PXDNL: variants seen among roughly 807,000 people sequenced by gnomAD.
The protein encoded by PXDNL is peroxidasin like, also known as probable oxidoreductase PXDNL.
A neutral mutation model predicts 150.8 loss-of-function variants in PXDNL; 145 were observed. That is an observed-to-expected ratio of 0.96 (90% CI 0.84 to 1.10). PXDNL has a LOEUF of 1.10. Among genes scored for constraint, PXDNL ranks in the 50% least tolerant of loss-of-function variants. The pLI, the probability that PXDNL is intolerant of heterozygous loss-of-function variation, is 0.00. For synonymous variants in PXDNL, 757 were observed against 725.7 expected (o/e 1.04, Z -0.69); for missense variants, 2,087 against 1,873.9 (o/e 1.11, Z -2.10).
intron 1 of PXDNL, among the ~76,000 whole-genome samples, chr8:51,755,383 CT>C (rs1208139816): frequency 6.6e-6 from 1 of 151,888 alleles, no homozygotes; most frequent in Non-Finnish European, 1.5e-5. Context: ...CAATCCCCAC[CT>C]CCTGGGTTCA....
At chr8:51,704,339 T>C (rs1816319820) in intron 1 of PXDNL, among the ~76,000 whole-genome samples, 1 of 152,246 alleles carries the variant, frequency 6.6e-6, no homozygotes, top group Non-Finnish European at 1.5e-5. Context: ...TTTACTGCTG[T>C]ATAGTATTTC....
At position 51,732,880 on chromosome 8, in the gene PXDNL, G is replaced by A. The variant is rs958783549; in HGVS notation, c.164+76301C>T. 7.9e-5 allele frequency among the ~76,000 whole-genome samples: 12 copies of A among 152,294 alleles called. 1 individual carries two copies. Among genetic ancestry groups the A allele is most frequent in the Admixed American group, 1.3e-4 (2 of 15,302 alleles). ...TTACCTCCCACTAGGTCCCTCCCAT[G>A]ATGTGTGGGAATTATGGGAGCTACA... On this transcript the variant is annotated intron_variant, in intron 1 of 22. Transcript: ENST00000356297.
intron 5 of PXDNL, among the ~76,000 whole-genome samples, chr8:51,494,657 C>T (rs1170482301): frequency 6.6e-6 from 1 of 151,942 alleles, no homozygotes; most frequent in Non-Finnish European, 1.5e-5. Context: ...AGACTTTAAA[C>T]CAACAAAGAT....
chr8:51,621,411 A>C (rs1183944258), intron 2 of PXDNL, among the ~76,000 whole-genome samples: 1 of 151,608 alleles, frequency 6.6e-6, no homozygotes, highest in Non-Finnish European at 1.5e-5. Flanking sequence ...ATGCATTTAT[A>C]TAAAATAACA....
chr8:51,549,518 C>T (rs1343899367), intron 4 of PXDNL, among the ~76,000 whole-genome samples: 3 of 152,058 alleles, frequency 2.0e-5, no homozygotes, highest in Admixed American at 2.0e-4. Flanking sequence ...TGGAAATTCA[C>T]TCTAAAAGGA....
chr8:51,777,211 T>C (rs1021938863), intron 1 of PXDNL, among the ~76,000 whole-genome samples: 2 of 152,198 alleles, frequency 1.3e-5, no homozygotes, highest in East Asian at 1.9e-4. Flanking sequence ...TCTTCCAACA[T>C]TGACCCAGTA....
intron 5 of PXDNL, 86 bp downstream of exon 5, chr8:51,499,613 G>T: frequency 2.1e-6 from 2 of 942,396 alleles, no homozygotes; most frequent in Non-Finnish European, 1.7e-6. Context: ...ACAGCAAAGT[G>T]GCCTGATCTC....
intron 4 of PXDNL, among the ~76,000 whole-genome samples, chr8:51,512,733 C>A (rs1238088085): frequency 1.3e-5 from 2 of 152,192 alleles, no homozygotes; most frequent in Non-Finnish European, 2.9e-5. Context: ...AAGTTTCCAA[C>A]CTTCTTGACC....
At chr8:51,639,334 C>T (rs1193425727) in intron 2 of PXDNL, among the ~76,000 whole-genome samples, 1 of 151,968 alleles carries the variant, frequency 6.6e-6, no homozygotes, top group Non-Finnish European at 1.5e-5. Flanking sequence ...TAGCAGAAGG[C>T]AAGAAATAAC....
chr8:51,476,651 C>T (rs935484898), intron 6 of PXDNL, among the ~76,000 whole-genome samples: 2 of 152,084 alleles, frequency 1.3e-5, no homozygotes, highest in African/African-American at 2.4e-5. Flanking sequence ...GGCAAAAAGG[C>T]GCAGAAATGA....
intron 21 of PXDNL, among the ~76,000 whole-genome samples, chr8:51,323,710 T>TC (rs1201841130): frequency 6.6e-6 from 1 of 152,004 alleles, no homozygotes; most frequent in Admixed American, 6.6e-5. Context: ...GGTCAGAAGT[T>TC]CAAGACCAGC....
At position 51,722,313 on chromosome 8, in the gene PXDNL, G is replaced by A. The variant is rs567738402; in HGVS notation, c.165-67553C>T. The A allele has an allele frequency of 7.4e-4, 113 of 152,516 alleles. 1 individual carries two copies. The highest frequency in any genetic ancestry group is 2.5e-3 in the African/African-American group (105 of 41,572). The allele number at this position is 152,516 out of a possible 1,614,324, so 9.4% of individuals were successfully genotyped here. A position where few individuals can be genotyped will look rare whatever the true frequency, so the allele number is the denominator to read the frequency against. Reference sequence around the variant, plus strand: ...CCTATGGGAGGGGGAGCACACAGACGAGCAGGTGCAGGAGCCAGGGCCAGA... The same window carrying A: ...CCTATGGGAGGGGGAGCACACAGACAAGCAGGTGCAGGAGCCAGGGCCAGA... On this transcript the variant is annotated intron_variant, in intron 1 of 22. Transcript: ENST00000356297.
intron 1 of PXDNL, among the ~76,000 whole-genome samples, chr8:51,659,696 G>A (rs1401869968): frequency 6.6e-6 from 1 of 152,086 alleles, no homozygotes; most frequent in Non-Finnish European, 1.5e-5. Flanking sequence ...GTGCAGAAAT[G>A]TGCAGAGAAA....
chr8:51,752,532 C>A (rs955294576), intron 1 of PXDNL, among the ~76,000 whole-genome samples: 3 of 152,058 alleles, frequency 2.0e-5, no homozygotes, highest in African/African-American at 7.2e-5. Context: ...GTTAGTGAGA[C>A]CTGGCCTGCC....
chr8:51,498,152 A>G (rs1319392036), intron 5 of PXDNL, among the ~76,000 whole-genome samples: 1 of 152,006 alleles, frequency 6.6e-6, no homozygotes, highest in Admixed American at 6.5e-5. Context: ...GAAACTGGAA[A>G]CCATCATTCT....
At chr8:51,387,821 T>A (rs1482820571) in intron 17 of PXDNL, among the ~76,000 whole-genome samples, 1 of 152,182 alleles carries the variant, frequency 6.6e-6, no homozygotes. Flanking sequence ...ACTGAATGGG[T>A]TTTATAACTG....
At chr8:51,749,214 C>G (rs2037016837) in intron 1 of PXDNL, among the ~76,000 whole-genome samples, 1 of 152,154 alleles carries the variant, frequency 6.6e-6, no homozygotes, top group African/African-American at 2.4e-5. Context: ...ATCTTCTAAG[C>G]TACATCCTAC....
intron 2 of PXDNL, among the ~76,000 whole-genome samples, chr8:51,640,960 C>G: frequency 6.6e-6 from 1 of 152,150 alleles, no homozygotes; most frequent in Non-Finnish European, 1.5e-5. Context: ...AACTATACCA[C>G]AAGGCTACAG....
chr8:51,566,479 C>T (rs1812831602), intron 3 of PXDNL, among the ~76,000 whole-genome samples: 1 of 151,448 alleles, frequency 6.6e-6, no homozygotes, highest in South Asian at 2.1e-4. Flanking sequence ...TAAATATGGG[C>T]CTATTTAGAT....
Sources: gnomAD v4.1 joint callset for allele counts (sites outside exome capture counted in the v4.1 genomes callset) on GRCh38, gnomAD v4.1.1 for gene constraint, MANE v1.5 for transcripts, NCBI Gene and HGNC (gene_info 2026-07-23, HGNC 2026-07-21) for gene names.